SPECC1: variants seen among roughly 807,000 people sequenced by gnomAD.
The protein encoded by SPECC1 is sperm antigen with calponin homology and coiled-coil domains 1, also known as cytospin-B.
In SPECC1, 62 loss-of-function variants were observed where a neutral mutation model predicts 104.1. That is an observed-to-expected ratio of 0.60 (90% CI 0.49 to 0.74). The LOEUF (loss-of-function observed/expected upper bound fraction) is 0.74. SPECC1 is among the 30% of genes least tolerant of loss of function. The pLI, the probability that SPECC1 is intolerant of heterozygous loss-of-function variation, is 0.00. For missense variants in SPECC1, 1,306 were observed against 1,310.5 expected, an observed-to-expected ratio of 1.00 and a Z score of 0.05; for synonymous variants, 513 against 501.6, an observed-to-expected ratio of 1.02 and a Z score of -0.30.
intron 7 of SPECC1, chr17:20,237,818 T>C: frequency 5.2e-6 from 1 of 191,440 alleles, no homozygotes; most frequent in Non-Finnish European, 1.1e-5. Flanking sequence ...TCTTGGCTCA[T>C]TGCAAGCTCC....
At chr17:20,149,643 TG>T (rs969741375) in intron 3 of SPECC1, among the ~76,000 whole-genome samples, 3 of 152,218 alleles carry the variant, frequency 2.0e-5, no homozygotes, top group Admixed American at 1.3e-4. Context: ...CCCTTTTCTT[TG>T]TATCCTTTTG....
chr17:20,125,729 T>C (rs962020834), intron 3 of SPECC1, among the ~76,000 whole-genome samples: 2 of 152,240 alleles, frequency 1.3e-5, no homozygotes, highest in African/African-American at 4.8e-5. Flanking sequence ...CTGAATAATA[T>C]TCGATCGTCT....
chr17:20,012,520 A>AT (rs150928413), intron 1 of SPECC1, among the ~76,000 whole-genome samples: 10,486 of 147,580 alleles, frequency 0.071, 977 homozygotes, highest in African/African-American at 0.22. Flanking sequence ...ATCTTATTTA[A>AT]TTTTTTTTTT....
At chr17:20,116,038 G>A (rs2048737845) in intron 3 of SPECC1, among the ~76,000 whole-genome samples, 1 of 152,050 alleles carries the variant, frequency 6.6e-6, no homozygotes, top group South Asian at 2.1e-4. Context: ...AGTTCTGTAT[G>A]TGGCTAGTTG....
chr17:20,192,125 C>T (rs1399203272), intron 3 of SPECC1, among the ~76,000 whole-genome samples: 1 of 151,650 alleles, frequency 6.6e-6, no homozygotes, highest in Non-Finnish European at 1.5e-5. Flanking sequence ...TTTGATGAGA[C>T]GAGTCTCACT....
In SPECC1 at chr17:20,282,071, G is replaced by A. The variant is rs188564355; in HGVS notation, c.2941-14890G>A. Among the ~76,000 whole-genome samples the A allele has an allele frequency of 1.5e-3, 234 of 152,370 alleles. 4 individuals carry two copies. Among genetic ancestry groups the A allele is most frequent in the Non-Finnish European group, 2.8e-4 (19 of 68,036 alleles). On this transcript the variant is annotated intron_variant, in intron 12 of 14. Coordinates refer to ENST00000395527, the MANE Select transcript of SPECC1 (RefSeq NM_001243439.2). ...AGCCAGGGGGCAGGAGGTGTTGGCC[G>A]CAGGCCCATGCTTGCAAGGCAACCA... is the stretch of plus-strand genomic sequence containing the variant.
At chr17:20,145,513 T>C (rs1014836604) in intron 3 of SPECC1, among the ~76,000 whole-genome samples, 3 of 152,180 alleles carry the variant, frequency 2.0e-5, no homozygotes, top group African/African-American at 7.2e-5. Flanking sequence ...AGATAACTAC[T>C]AGAGTTCTGG....
chr17:20,228,260 G>T (rs1356544866), intron 5 of SPECC1, among the ~76,000 whole-genome samples: 1 of 152,210 alleles, frequency 6.6e-6, no homozygotes, highest in East Asian at 1.9e-4. Flanking sequence ...TGGTGCAGTT[G>T]TAGCTCACTG....
intron 1 of SPECC1, among the ~76,000 whole-genome samples, chr17:20,022,998 G>T (rs114125147): frequency 1.3e-5 from 2 of 152,034 alleles, no homozygotes; most frequent in Non-Finnish European, 2.9e-5. Flanking sequence ...TTTCTGGATC[G>T]GCTCATTCCT....
chr17:20,088,220 T>C (rs1415755651), intron 1 of SPECC1, among the ~76,000 whole-genome samples: 2 of 152,188 alleles, frequency 1.3e-5, no homozygotes, highest in Admixed American at 1.3e-4. Context: ...GATCTGATTT[T>C]TGTGTACGTG....
intron 12 of SPECC1, among the ~76,000 whole-genome samples, chr17:20,282,515 T>A (rs752453577): frequency 6.6e-6 from 1 of 152,248 alleles, no homozygotes; most frequent in Non-Finnish European, 1.5e-5. Flanking sequence ...ACAGACTTTC[T>A]TTATTCTTGA....
chr17:20,071,351 C>G (rs1045209650), intron 1 of SPECC1, among the ~76,000 whole-genome samples: 2 of 150,940 alleles, frequency 1.3e-5, no homozygotes, highest in African/African-American at 4.9e-5. Flanking sequence ...ATTTTACTAT[C>G]TGGTAGTACA....
rs866645082 is a variant in SPECC1, at chr17:20,205,109, A to C, written c.1060A>C (p.Lys354Gln). Reference protein sequence around the residue: ...SSTSNPFKSSKCSTAGSSPNS... With the variant: ...SSTSNPFKSSQCSTAGSSPNS... ...CACCAGTAACCCCTTTAAGAGTTCA[A>C]AGTGTTCTACTGCTGGGAGTTCCCC... Residue 354 changes from lysine (K) to glutamine (Q), a missense_variant, in exon 4 of 15, where the codon AAG (lysine) becomes CAG (glutamine). Lys to Gln is a moderately conservative substitution (Grantham distance 53). This residue lies in a region of SPECC1 where 1,177 missense variants were observed against 1,139.9 expected (regional missense o/e 1.03). Coordinates refer to ENST00000395527, the MANE Select transcript of SPECC1 (RefSeq NM_001243439.2). 10 of 1,614,032 alleles carry C rather than the reference A, an allele frequency of 6.2e-6. No homozygotes were observed. The highest frequency in any genetic ancestry group is 1.6e-4 in the Middle Eastern group (1 of 6,084).
chr17:20,289,931 GAGA>G (rs1347507451), intron 12 of SPECC1, among the ~76,000 whole-genome samples: 3 of 152,202 alleles, frequency 2.0e-5, no homozygotes, highest in Admixed American at 6.5e-5. Context: ...ACTTTTTAGA[GAGA>G]AGAAGAGTGT....
At chr17:20,038,883 A>G (rs2045207195) in intron 1 of SPECC1, among the ~76,000 whole-genome samples, 1 of 152,208 alleles carries the variant, frequency 6.6e-6, no homozygotes, top group Non-Finnish European at 1.5e-5. Context: ...GTTTGATTCC[A>G]GTAGAGCACA....
chr17:20,100,371 A>G (rs963888379), intron 2 of SPECC1, among the ~76,000 whole-genome samples: 1 of 152,234 alleles, frequency 6.6e-6, no homozygotes, highest in African/African-American at 2.4e-5. Context: ...AGAGAGAAAG[A>G]GGAAATGGTG....
chr17:20,308,817 A>G (rs1434109026), intron 14 of SPECC1, among the ~76,000 whole-genome samples: 1 of 152,240 alleles, frequency 6.6e-6, no homozygotes, highest in East Asian at 1.9e-4. Context: ...CAGAAACAAC[A>G]AAACTAAGGA....
At chr17:20,041,653 A>C (rs1350461488) in intron 1 of SPECC1, among the ~76,000 whole-genome samples, 2 of 96,272 alleles carry the variant, frequency 2.1e-5, no homozygotes, top group Non-Finnish European at 4.1e-5. Context: ...TTTGGGACGA[A>C]GTCTTGCTCT....
chr17:20,075,637 CA>C (rs900708456), intron 1 of SPECC1, among the ~76,000 whole-genome samples: 4 of 152,072 alleles, frequency 2.6e-5, no homozygotes, highest in South Asian at 2.1e-4. Context: ...CCACTGTCTC[CA>C]AAATTTTGTA....
Sources: allele counts gnomAD v4.1 joint callset (sites outside exome capture counted in the v4.1 genomes callset), GRCh38; gene constraint gnomAD v4.1.1; regional missense constraint gnomAD v4.1.1; transcripts MANE v1.5; gene names NCBI Gene and HGNC (gene_info 2026-07-23, HGNC 2026-07-21).